Variants in TMEM117 observed in about 807,000 individuals in gnomAD.
The protein encoded by TMEM117 is transmembrane protein 117.
A neutral mutation model predicts 52.4 loss-of-function variants in TMEM117; 27 were observed. The observed-to-expected ratio is 0.51, with a 90% confidence interval of 0.38 to 0.71. The LOEUF is 0.71. Ranked by LOEUF, TMEM117 falls within the 30% of genes least tolerant of loss-of-function variation. The probability of loss-of-function intolerance (pLI) is 0.00; values close to 1 mark genes in which losing one functional copy is unlikely to be tolerated. For synonymous variants in TMEM117, 215 were observed against 206.3 expected, an observed-to-expected ratio of 1.04 and a Z score of -0.36; for missense variants, 556 against 630.5, an observed-to-expected ratio of 0.88 and a Z score of 1.26.
intron 6 of TMEM117, among the ~76,000 whole-genome samples, chr12:44,356,483 T>C (rs571810148): frequency 5.5e-4 from 83 of 152,202 alleles, no homozygotes; most frequent in South Asian, 1.5e-3. Flanking sequence ...GTTCTGCTTA[T>C]TTTGTCTGGG....
At chr12:44,198,500 T>C (rs1042731509) in intron 4 of TMEM117, among the ~76,000 whole-genome samples, 2 of 152,176 alleles carry the variant, frequency 1.3e-5, no homozygotes, top group African/African-American at 4.8e-5. Context: ...CCTGTCATGA[T>C]GATGTTGGGT....
chr12:43,986,756 T>G (rs562861088), intron 3 of TMEM117, among the ~76,000 whole-genome samples: 52 of 152,266 alleles, frequency 3.4e-4, no homozygotes, highest in African/African-American at 1.2e-3. Flanking sequence ...CTCTTAATCA[T>G]TCTGTCTTAT....
At chr12:44,376,322 CAT>C (rs1328748282) in intron 6 of TMEM117, 10 of 434,228 alleles carry the variant, frequency 2.3e-5, no homozygotes, top group African/African-American at 4.1e-5. Context: ...AAGAGATAAA[CAT>C]GTGTAGATGC....
intron 3 of TMEM117, among the ~76,000 whole-genome samples, chr12:44,133,805 C>G (rs544795338): frequency 6.6e-6 from 1 of 152,240 alleles, no homozygotes; most frequent in South Asian, 2.1e-4. Flanking sequence ...ATAATCCTTT[C>G]TCTGATATGC....
chr12:44,315,406 T>C lies in TMEM117; in HGVS notation c.768+15667T>C, dbSNP rs540885582. ...ATGTTTAGAGCTATAAATTTTCCTGTCAACACTGTTTTTGCTTCATCCAAG... is the reference window on the plus strand; with the variant it reads ...ATGTTTAGAGCTATAAATTTTCCTGCCAACACTGTTTTTGCTTCATCCAAG... On this transcript the variant is annotated intron_variant, in intron 6 of 7. Coordinates refer to ENST00000266534, the MANE Select transcript of TMEM117 (RefSeq NM_032256.3). Among the ~76,000 whole-genome samples the C allele has an allele frequency of 6.6e-5, 10 of 152,348 alleles. 1 individual carries two copies. The highest frequency in any genetic ancestry group is 2.1e-4 in the South Asian group (1 of 4,832).
chr12:43,936,008 T>A (rs535002322), intron 2 of TMEM117, among the ~76,000 whole-genome samples: 11 of 151,996 alleles, frequency 7.2e-5, no homozygotes, highest in Admixed American at 4.6e-4. Context: ...ATGGGTCAAA[T>A]TAATTCATGC....
chr12:43,812,210 T>C, the TMEM117 span, among the ~76,000 whole-genome samples: 1 of 152,256 alleles, frequency 6.6e-6, no homozygotes, highest in Admixed American at 6.5e-5. Context: ...CTTCATTCTT[T>C]GTTACCTACA....
chr12:43,838,492 A>G lies in TMEM117; in HGVS notation c.-29+2296A>G, dbSNP rs561917400. 7.6e-5 allele frequency among the ~76,000 whole-genome samples: 11 copies of G among 144,626 alleles called. No homozygotes were observed. In the South Asian group the frequency reaches 2.4e-3, roughly 32 times the overall value. 94.9% of individuals were successfully genotyped at this position (144,626 alleles called of 152,430 possible). On this transcript the variant is annotated intron_variant, in intron 1 of 7. Coordinates refer to ENST00000266534, the MANE Select transcript of TMEM117 (RefSeq NM_032256.3). The stretch of plus-strand genomic sequence containing the variant: ...TCCATTTATCCTTTTGCAGATTTGG[A>G]TATGTATTATCCAGACTCTACTCTC...
chr12:43,805,891 T>A, the TMEM117 span: 1 of 1,462,822 alleles, frequency 6.8e-7, no homozygotes, highest in Non-Finnish European at 9.1e-7. Flanking sequence ...CTTCCCTACG[T>A]GACCAAAAGG....
intron 6 of TMEM117, among the ~76,000 whole-genome samples, chr12:44,350,465 T>G (rs1427049925): frequency 1.3e-5 from 2 of 152,040 alleles, no homozygotes. Context: ...TACCCTGTTT[T>G]GCTGTCAAAC....
At chr12:44,280,174 C>T (rs1184546212) in intron 5 of TMEM117, among the ~76,000 whole-genome samples, 2 of 152,116 alleles carry the variant, frequency 1.3e-5, no homozygotes, top group Non-Finnish European at 2.9e-5. Flanking sequence ...CAGGCCCTGA[C>T]CTTTTCTTGG....
intron 3 of TMEM117, among the ~76,000 whole-genome samples, chr12:44,007,155 T>C (rs1946211101): frequency 1.3e-5 from 2 of 152,318 alleles, no homozygotes; most frequent in South Asian, 2.1e-4. Flanking sequence ...GTTTTACTTA[T>C]ACAAAACTAT....
intron 4 of TMEM117, among the ~76,000 whole-genome samples, chr12:44,156,050 CG>C (rs1208854663): frequency 6.6e-6 from 1 of 152,048 alleles, no homozygotes; most frequent in Admixed American, 6.6e-5. Context: ...TAAGAACAAC[CG>C]GAATCTTTGT....
At chr12:44,018,330 A>T (rs1433809085) in intron 3 of TMEM117, among the ~76,000 whole-genome samples, 2 of 152,198 alleles carry the variant, frequency 1.3e-5, no homozygotes, top group African/African-American at 4.8e-5. Context: ...TTTCTTTCAG[A>T]TGATTTGATA....
the TMEM117 span, chr12:43,806,433 C>T: frequency 1.8e-6 from 2 of 1,117,464 alleles, no homozygotes; most frequent in Non-Finnish European, 2.2e-6. Flanking sequence ...TCCTGGCCGC[C>T]GGGCTGCGGT....
At chr12:44,006,033 C>T (rs955953978) in intron 3 of TMEM117, among the ~76,000 whole-genome samples, 2 of 152,136 alleles carry the variant, frequency 1.3e-5, no homozygotes, top group Non-Finnish European at 2.9e-5. Flanking sequence ...ATGTCTTTAT[C>T]AGCAGCATGA....
intron 2 of TMEM117, among the ~76,000 whole-genome samples, chr12:43,850,616 T>G (rs1329809274): frequency 6.6e-6 from 1 of 152,202 alleles, no homozygotes; most frequent in Non-Finnish European, 1.5e-5. Flanking sequence ...ACACTTTCTC[T>G]GACTCCCTCC....
At chr12:44,292,987 G>T (rs1950723111) in intron 5 of TMEM117, among the ~76,000 whole-genome samples, 1 of 151,848 alleles carries the variant, frequency 6.6e-6, no homozygotes, top group South Asian at 2.1e-4. Flanking sequence ...TGTTGATTTT[G>T]ATCTGTATGA....
At chr12:44,008,762 A>C (rs1452946240) in intron 3 of TMEM117, 7 of 424,702 alleles carry the variant, frequency 1.6e-5, no homozygotes, top group Non-Finnish European at 3.3e-5. Context: ...GTGTTTAATA[A>C]GGTGGAAGTT....
Sources: allele counts gnomAD v4.1 joint callset (sites outside exome capture counted in the v4.1 genomes callset), GRCh38; gene constraint gnomAD v4.1.1; transcripts MANE v1.5; gene names NCBI Gene and HGNC (gene_info 2026-07-23, HGNC 2026-07-21).